Variants in BAD observed in about 807,000 individuals in gnomAD.
BAD encodes BCL2 associated agonist of cell death.
A neutral mutation model predicts 17.8 loss-of-function variants in BAD; 18 were observed. The ratio of observed to expected loss-of-function variants is 1.01; its 90% CI spans 0.70 to 1.50. The LOEUF (loss-of-function observed/expected upper bound fraction) is 1.50. Among genes scored for constraint, BAD ranks in the 40% most tolerant of loss-of-function variants. The probability of loss-of-function intolerance (pLI) is 0.00; values close to 1 mark genes in which losing one functional copy is unlikely to be tolerated. For synonymous variants in BAD, 112 were observed against 91.5 expected, an observed-to-expected ratio of 1.22 and a Z score of -1.28; for missense variants, 294 against 239.3, an observed-to-expected ratio of 1.23 and a Z score of -1.51.
intron 2 of BAD, among the ~76,000 whole-genome samples, chr11:64,274,401 A>AG (rs1036933258): frequency 1.3e-5 from 2 of 151,314 alleles, no homozygotes; most frequent in African/African-American, 4.9e-5. Context: ...AAAAAAAAAA[A>AG]AGCAAGTAGG....
At position 64,278,999 on chromosome 11, in the gene BAD, G is replaced by A. The variant is rs117645407; in HGVS notation, c.187+5183C>T. The stretch of plus-strand genomic sequence containing the variant: ...CCTCACCTGGCAGCTGTCTTCTCCC[G>A]CAGCCCTCTTTCCTACGGGTCTGCA... On this transcript the variant is annotated intron_variant, in intron 2 of 3. Coordinates refer to ENST00000309032, the MANE Select transcript of BAD (RefSeq NM_032989.3). Among the ~76,000 whole-genome samples the A allele has an allele frequency of 9.0e-3, 1,372 of 152,266 alleles. 6 individuals are homozygous for A. Among genetic ancestry groups the A allele is most frequent in the Non-Finnish European group, 0.013 (896 of 68,014 alleles).
intron 2 of BAD, among the ~76,000 whole-genome samples, chr11:64,279,039 G>A (rs2033253242): frequency 6.6e-6 from 1 of 152,134 alleles, no homozygotes; most frequent in African/African-American, 2.4e-5. Context: ...GGGCTGGGGG[G>A]AGGTGTCGTC....
Position 64,270,038 on chromosome 11 carries a change from G to A in BAD, c.*171C>T, listed in dbSNP as rs773042731. On this transcript the variant is annotated 3_prime_UTR_variant, in exon 4 of 4. Coordinates refer to ENST00000309032, the MANE Select transcript of BAD (RefSeq NM_032989.3). Reference sequence around the variant, plus strand: ...AACCCAAAACTTCCGATGGGACCAAGCCTTCCGTGGCTTCACACGCACCGG... The same window carrying A: ...AACCCAAAACTTCCGATGGGACCAAACCTTCCGTGGCTTCACACGCACCGG... The A allele has an allele frequency of 2.0e-5, 25 of 1,256,998 alleles. No homozygotes were observed. Among genetic ancestry groups the A allele is most frequent in the South Asian group, 1.9e-4 (14 of 75,446 alleles). The allele number at this position is 1,256,998 out of a possible 1,614,324, so 77.9% of individuals were successfully genotyped here. A position where few individuals can be genotyped will look rare whatever the true frequency, so the allele number is the denominator to read the frequency against.
intron 2 of BAD, among the ~76,000 whole-genome samples, chr11:64,282,741 T>G (rs979459323): frequency 6.6e-6 from 1 of 151,764 alleles, no homozygotes; most frequent in African/African-American, 2.4e-5. Flanking sequence ...TAGCCCGGCA[T>G]GGTGACACGC....
In BAD at chr11:64,275,826, A is replaced by G. The variant is rs897414353; in HGVS notation, c.188-4023T>C. 2.0e-5 allele frequency: 3 copies of G among 151,932 alleles called. No individual in the cohort carries two copies. In the South Asian group the frequency reaches 6.2e-4, roughly 32 times the overall value. The allele number at this position is 151,932 out of a possible 1,614,324, so 9.4% of individuals were successfully genotyped here. A position where few individuals can be genotyped will look rare whatever the true frequency, so the allele number is the denominator to read the frequency against. On this transcript the variant is annotated intron_variant, in intron 2 of 3. Coordinates refer to ENST00000309032, the MANE Select transcript of BAD (RefSeq NM_032989.3). ...CTTGCCCAGGGATCAGAACAAGCAG[A>G]AGACACTGGGCAGGTATGGTGGATG...
chr11:64,282,227 A>G lies in BAD; in HGVS notation c.187+1955T>C, dbSNP rs151131841. 2.6e-4 allele frequency among the ~76,000 whole-genome samples: 40 copies of G among 152,272 alleles called. No homozygotes were observed. In the East Asian group the frequency reaches 7.3e-3, roughly 28 times the overall value. Reference sequence around the variant, plus strand: ...AGCACTCACTGTGTGGCGCGAGTGAATGCTGAGTGTGTGTGGGGGGCAGAG... The same window carrying G: ...AGCACTCACTGTGTGGCGCGAGTGAGTGCTGAGTGTGTGTGGGGGGCAGAG... On this transcript the variant is annotated intron_variant, in intron 2 of 3. Coordinates refer to ENST00000309032, the MANE Select transcript of BAD (RefSeq NM_032989.3).
Position 64,284,202 on chromosome 11 carries a change from G to T in BAD, c.167C>A (p.Thr56Asn), listed in dbSNP as rs763555901. Reference sequence around the variant, plus strand: ...CTTACCTCCATGATGGCTGCTGCTGGTTGGCTGCTCCTGCTGGTGACTGGC... The same window carrying T: ...CTTACCTCCATGATGGCTGCTGCTGTTTGGCTGCTCCTGCTGGTGACTGGC... ...WDASHQQEQP[T>N]SSSHHGGAGA... The change falls in exon 2 of 4, where the codon ACC (threonine) becomes AAC (asparagine). Residue 56 changes from threonine to asparagine, a missense_variant. By Grantham distance (65) the Thr-to-Asn change is moderately conservative (BLOSUM62 0). Coordinates refer to ENST00000309032, the MANE Select transcript of BAD (RefSeq NM_032989.3). 6 of 1,601,550 alleles carry T rather than the reference G, an allele frequency of 3.7e-6. No homozygotes were observed. The highest frequency in any genetic ancestry group is 1.7e-5 in the Admixed American group (1 of 58,674).
chr11:64,274,345 C>T (rs11606014), intron 2 of BAD, among the ~76,000 whole-genome samples: 18,390 of 151,500 alleles, frequency 0.12, 1,415 homozygotes, highest in Non-Finnish European at 0.16. Context: ...TGAGATCACG[C>T]CACTGCACTC....
At chr11:64,277,810 C>T (rs2033171007) in intron 2 of BAD, among the ~76,000 whole-genome samples, 1 of 152,140 alleles carries the variant, frequency 6.6e-6, no homozygotes, top group African/African-American at 2.4e-5. Context: ...TTCAGTGGGC[C>T]ACGTGGTCTC....
chr11:64,271,684 TG>T lies in BAD; in HGVS notation c.306del (p.Asn103ThrfsTer15). 8.1e-6 allele frequency: 12 copies of T among 1,481,778 alleles called. No individual in the cohort carries two copies. The highest frequency in any genetic ancestry group is 5.5e-5 in the East Asian group (2 of 36,642). 91.8% of individuals were successfully genotyped at this position (1,481,778 alleles called of 1,614,324 possible). A position where few individuals can be genotyped will look rare whatever the true frequency, so the allele number is the denominator to read the frequency against. ...PFRGRSRSAP[P>X]NLWAAQRYGR... ...CCATAGCGCTGTGCTGCCCAGAGGT[TG>T]GGGGGCGCCGAGCGCGAGCGGCCCC... On this transcript the variant is annotated frameshift_variant, in exon 3 of 4. Transcript: ENST00000309032. LOFTEE classifies it high-confidence loss of function.
chr11:64,283,490 C>T (rs1208593357), intron 2 of BAD, among the ~76,000 whole-genome samples: 5 of 152,250 alleles, frequency 3.3e-5, no homozygotes, highest in South Asian at 2.1e-4. Context: ...GTGCTTCTCA[C>T]CCCACACAGC....
intron 2 of BAD, among the ~76,000 whole-genome samples, chr11:64,283,217 G>GT (rs1332918431): frequency 6.6e-6 from 1 of 152,220 alleles, no homozygotes; most frequent in Admixed American, 6.5e-5. Context: ...CAGTGCCAGA[G>GT]TGACATGACC....
In BAD at chr11:64,284,478, C is replaced by T. The variant is rs1157843177; in HGVS notation, c.-8-102G>A. On this transcript the variant is annotated intron_variant, in intron 1 of 3. Coordinates refer to ENST00000309032, the MANE Select transcript of BAD (RefSeq NM_032989.3). ...CTGGCTTCCTCTCCCACCGTAGCGC[C>T]CCCAGGCCCGCCAGGCCTCCTGGGC... 8 of 1,591,708 alleles carry T rather than the reference C, an allele frequency of 5.0e-6. No individual in the cohort carries two copies. In the East Asian group the frequency reaches 1.6e-4, roughly 31 times the overall value.
At chr11:64,279,965 C>T (rs553435079) in intron 2 of BAD, among the ~76,000 whole-genome samples, 67 of 152,070 alleles carry the variant, frequency 4.4e-4, no homozygotes, top group African/African-American at 1.5e-3. Context: ...GGGAGGATCA[C>T]TTGGGGCCAG....
chr11:64,271,679 G>A lies in BAD; in HGVS notation c.312C>T (p.Leu104=). The A allele has an allele frequency of 4.7e-6, 7 of 1,489,658 alleles. No homozygotes were observed. The highest frequency in any genetic ancestry group is 6.2e-6 in the Non-Finnish European group (7 of 1,120,752). The allele number at this position is 1,489,658 out of a possible 1,614,324, so 92.3% of individuals were successfully genotyped here. The change falls in exon 3 of 4, where the codon CTC becomes CTT. Residue 104 remains leucine (L), a synonymous_variant. Transcript: ENST00000309032. ...RGRSRSAPPN[L]WAAQRYGREL... ...CGCGGCCATAGCGCTGTGCTGCCCA[G>A]AGGTTGGGGGGCGCCGAGCGCGAGC...
At chr11:64,273,997 T>G (rs1025144850) in intron 2 of BAD, among the ~76,000 whole-genome samples, 2 of 151,892 alleles carry the variant, frequency 1.3e-5, no homozygotes, top group Non-Finnish European at 2.9e-5. Flanking sequence ...ACCATTGGAA[T>G]GTCTCTTCTC....
At chr11:64,279,547 A>C (rs1342749005) in intron 2 of BAD, among the ~76,000 whole-genome samples, 9 of 151,894 alleles carry the variant, frequency 5.9e-5, no homozygotes, top group African/African-American at 1.2e-4. Context: ...CGGGTGGATC[A>C]CGAGGTCAGG....
At chr11:64,271,855 C>G (rs1194970750) in intron 2 of BAD, 52 bp from the exon 3 acceptor site, 7 of 1,310,202 alleles carry the variant, frequency 5.3e-6, no homozygotes, top group Non-Finnish European at 6.8e-6. Context: ...CTCCTCTAAG[C>G]CCCTGGCCCT....
chr11:64,274,783 T>C (rs1476577682), intron 2 of BAD, among the ~76,000 whole-genome samples: 2 of 151,318 alleles, frequency 1.3e-5, no homozygotes, highest in Non-Finnish European at 2.9e-5. Context: ...ATTGCACCAC[T>C]GCACTCCAGC....
Sources: allele counts gnomAD v4.1 joint callset (sites outside exome capture counted in the v4.1 genomes callset), GRCh38; gene constraint gnomAD v4.1.1; transcripts MANE v1.5; gene names NCBI Gene and HGNC (gene_info 2026-07-23, HGNC 2026-07-21).